Variants in DNAH14 observed in about 807,000 individuals in gnomAD.
DNAH14 encodes the protein dynein axonemal heavy chain 14, also known as axonemal beta dynein heavy chain 14.
A neutral mutation model predicts 520.9 loss-of-function variants in DNAH14; 478 were observed. The observed-to-expected ratio is 0.92, with a 90% CI of 0.85 to 0.99. The LOEUF is 0.99. Ranked by LOEUF, DNAH14 falls within the 50% of genes least tolerant of loss-of-function variation. DNAH14 has a pLI of 0.00. For missense variants in DNAH14, 4,831 were observed against 5,234.5 expected (o/e 0.92, Z 2.38); for synonymous variants, 1,581 against 1,757.2 (o/e 0.90, Z 2.51).
intron 84 of DNAH14, among the ~76,000 whole-genome samples, chr1:225,395,354 G>A (rs1157614191): frequency 6.6e-6 from 1 of 152,222 alleles, no homozygotes; most frequent in South Asian, 2.1e-4. Context: ...AGCACTTTGT[G>A]AGGCTGAGGC....
At chr1:225,008,166 C>T (rs1194812799) in intron 10 of DNAH14, among the ~76,000 whole-genome samples, 1 of 151,878 alleles carries the variant, frequency 6.6e-6, no homozygotes, top group Non-Finnish European at 1.5e-5. Context: ...TGAGTGAGAA[C>T]ATGCAGTGTT....
Position 225,374,832 on chromosome 1 carries a change from A to G in DNAH14, c.12463A>G (p.Lys4155Glu). 6.4e-7 allele frequency: 1 copy of G among 1,551,366 alleles called. No individual in the cohort carries two copies. Among genetic ancestry groups the G allele is most frequent in the Non-Finnish European group, 8.7e-7 (1 of 1,146,792 alleles). ...GCGATGCTTGAAGACCCTACTCTAC[A>G]AATTTTGTAATCCTGAAGTGCTGAA... Reference protein sequence around the residue: ...DKRCLKTLLYKFCNPEVLKDD... With the variant: ...DKRCLKTLLYEFCNPEVLKDD... Residue 4155 changes from lysine (K) to glutamate (E), a missense_variant, in exon 78 of 86, where the codon AAA becomes GAA. Transcript: ENST00000682510.
chr1:225,245,964 C>T (rs1431165013), intron 43 of DNAH14, among the ~76,000 whole-genome samples: 1 of 152,062 alleles, frequency 6.6e-6, no homozygotes, highest in Non-Finnish European at 1.5e-5. Flanking sequence ...CACTACCTGA[C>T]TTCAAACTGT....
At chr1:225,119,330 T>TTA (rs1389622019) in intron 26 of DNAH14, 36 bp downstream of exon 26, 2 of 1,397,188 alleles carry the variant, frequency 1.4e-6, no homozygotes, top group Non-Finnish European at 1.9e-6. Flanking sequence ...ATTATATATT[T>TTA]TATATATATA....
chr1:225,399,253 A>G lies in DNAH14; in HGVS notation c.13838A>G (p.Glu4613Gly), dbSNP rs1357410546. 8.4e-6 allele frequency: 13 copies of G among 1,550,940 alleles called. No individual in the cohort carries two copies. The African/African-American group carries it at 1.8e-4, about 21-fold the overall frequency. ...ACAATGCGGGTTGCATTGCTTTGTGAGAAGAATGAAAAATAAATGTCCATA... is the reference window on the plus strand; with the variant it reads ...ACAATGCGGGTTGCATTGCTTTGTGGGAAGAATGAAAAATAAATGTCCATA... ...WITMRVALLC[E>G]KNEK The change falls in exon 86 of 86, where the codon GAG (glutamate) becomes GGG (glycine). Residue 4613 changes from glutamate to glycine, a missense_variant. Physicochemically the swap from Glu to Gly is moderately conservative, Grantham distance 98 (BLOSUM62 -2). Transcript: ENST00000682510.
At chr1:225,296,698 T>C (rs2094016965) in intron 55 of DNAH14, among the ~76,000 whole-genome samples, 1 of 152,126 alleles carries the variant, frequency 6.6e-6, no homozygotes, top group African/African-American at 2.4e-5. Context: ...TCCCTCAGGT[T>C]TTGCTTGTCT....
At chr1:225,360,939 C>T (rs188012962) in intron 75 of DNAH14, 48 bp downstream of exon 75, 1 of 1,498,142 alleles carries the variant, frequency 6.7e-7, no homozygotes, top group African/African-American at 1.4e-5. Flanking sequence ...GTTACCAAAA[C>T]TATAAAGTAA....
intron 8 of DNAH14, among the ~76,000 whole-genome samples, chr1:224,994,576 A>G (rs1346288463): frequency 6.6e-6 from 1 of 152,128 alleles, no homozygotes; most frequent in East Asian, 1.9e-4. Context: ...AAGTGCAGTA[A>G]ATGAGTGTCT....
rs1329022655 is a variant in DNAH14 at position 225,290,641 on chromosome 1, GTGTGTGTATATATA to G, written c.8469+561_8469+574del. On this transcript the variant is annotated intron_variant, in intron 55 of 85. Transcript: ENST00000682510. ...TGTGTGTATAGATATATGTGTGTGT[GTGTGTGTATATATA>G]TATATATATATATATATATATATAT... is the stretch of plus-strand genomic sequence containing the variant. 8.4e-3 allele frequency among the ~76,000 whole-genome samples: 770 copies of G among 91,234 alleles called. 53 individuals carry two copies. Among genetic ancestry groups the G allele is most frequent in the African/African-American group, 0.02 (491 of 24,826 alleles). The allele number at this position is 91,234 out of a possible 152,430, so 59.9% of individuals were successfully genotyped here. A position where few individuals can be genotyped will look rare whatever the true frequency, so the allele number is the denominator to read the frequency against.
At chr1:225,057,369 C>A (rs2069264765) in intron 17 of DNAH14, among the ~76,000 whole-genome samples, 3 of 152,160 alleles carry the variant, frequency 2.0e-5, no homozygotes, top group Non-Finnish European at 4.4e-5. Flanking sequence ...GATTTTTGCA[C>A]ATTGATTTTG....
intron 1 of DNAH14, among the ~76,000 whole-genome samples, chr1:224,939,744 T>A (rs1052524368): frequency 6.6e-6 from 1 of 152,116 alleles, no homozygotes; most frequent in African/African-American, 2.4e-5. Context: ...AAGCCCACTA[T>A]ATAAGAGAAG....
At chr1:225,091,169 T>A (rs888583352) in intron 21 of DNAH14, among the ~76,000 whole-genome samples, 1 of 152,082 alleles carries the variant, frequency 6.6e-6, no homozygotes, top group Non-Finnish European at 1.5e-5. Flanking sequence ...AAAACGTATT[T>A]CAGGATATTG....
rs2067708890 is a variant in DNAH14 at position 225,043,929 on chromosome 1, T to C, written c.1858T>C (p.Leu620=). Reference sequence around the variant, plus strand: ...AAATCTCTTTATAGATCCCAACAGATTGGAGTTTTCAGTAAAAATTCAAAA... The same window carrying C: ...AAATCTCTTTATAGATCCCAACAGACTGGAGTTTTCAGTAAAAATTCAAAA... The part of the protein sequence containing the change: ...PTNLFIDPNR[L]EFSVKIQNML... Residue 620 remains leucine, a synonymous_variant, in exon 15 of 86, where the codon TTG becomes CTG. Coordinates refer to ENST00000682510, the MANE Select transcript of DNAH14 (RefSeq NM_001367479.1). The C allele has an allele frequency of 1.3e-6, 2 of 1,526,614 alleles. No individual in the cohort carries two copies. Among genetic ancestry groups the C allele is most frequent in the Admixed American group, 2.0e-5 (1 of 48,786 alleles). The allele number at this position is 1,526,614 out of a possible 1,614,324, so 94.6% of individuals were successfully genotyped here. A position where few individuals can be genotyped will look rare whatever the true frequency, so the allele number is the denominator to read the frequency against.
At chr1:225,001,198 A>G (rs1286907279) in intron 8 of DNAH14, among the ~76,000 whole-genome samples, 1 of 151,970 alleles carries the variant, frequency 6.6e-6, no homozygotes, top group Non-Finnish European at 1.5e-5. Flanking sequence ...AAGGAAACCC[A>G]GGGAACTTAC....
intron 77 of DNAH14, among the ~76,000 whole-genome samples, chr1:225,373,676 C>T (rs1314704227): frequency 6.6e-6 from 1 of 152,142 alleles, no homozygotes; most frequent in Admixed American, 6.5e-5. Context: ...GAGGATCTGA[C>T]GGCTAAAGTC....
intron 78 of DNAH14, among the ~76,000 whole-genome samples, chr1:225,376,328 G>C (rs2095700669): frequency 6.6e-6 from 1 of 152,122 alleles, no homozygotes; most frequent in Non-Finnish European, 1.5e-5. Flanking sequence ...ATGGGAGGCT[G>C]AGGCATGAGA....
At chr1:224,976,075 A>G (rs1247020819) in intron 8 of DNAH14, among the ~76,000 whole-genome samples, 12 of 151,814 alleles carry the variant, frequency 7.9e-5, no homozygotes, top group Non-Finnish European at 1.5e-4. Flanking sequence ...GTTTGATTGC[A>G]CTGTGGTCTG....
intron 60 of DNAH14, 146 bp from the exon 61 acceptor site, chr1:225,318,437 G>A: frequency 1.5e-6 from 1 of 675,036 alleles, no homozygotes; most frequent in East Asian, 2.8e-5. Flanking sequence ...ACAAGCATGT[G>A]TGCACATATC....
At chr1:225,252,115 A>C (rs2092577328) in intron 43 of DNAH14, among the ~76,000 whole-genome samples, 186 bp from the exon 44 acceptor site, 2 of 152,230 alleles carry the variant, frequency 1.3e-5, no homozygotes, top group Non-Finnish European at 2.9e-5. Context: ...CAAGAAGTTA[A>C]TAAAACTTCA....
Sources: allele counts gnomAD v4.1 joint callset (sites outside exome capture counted in the v4.1 genomes callset), GRCh38; gene constraint gnomAD v4.1.1; transcripts MANE v1.5; gene names NCBI Gene and HGNC (gene_info 2026-07-23, HGNC 2026-07-21).